The following NELL1 variants were observed in gnomAD, a reference collection of about 807,000 sequenced individuals.
NELL1 encodes neural EGFL like 1.
In NELL1, 76 loss-of-function variants were observed where a neutral mutation model predicts 107.4. The ratio of observed to expected loss-of-function variants is 0.71; its 90% CI spans 0.59 to 0.86. NELL1 has a LOEUF of 0.86. Among genes scored for constraint, NELL1 ranks in the 40% least tolerant of loss-of-function variants. The pLI is 0.00. For synonymous variants in NELL1, 353 were observed against 341.2 expected, an observed-to-expected ratio of 1.03 and a Z score of -0.38; for missense variants, 1,024 against 1,005.5, an observed-to-expected ratio of 1.02 and a Z score of -0.25.
At chr11:21,384,934 A>G (rs1186782583) in intron 15 of NELL1, among the ~76,000 whole-genome samples, 1 of 151,908 alleles carries the variant, frequency 6.6e-6, no homozygotes, top group Non-Finnish European at 1.5e-5. Flanking sequence ...AAATTATTTT[A>G]TTACAATTTT....
intron 5 of NELL1, among the ~76,000 whole-genome samples, chr11:20,895,259 G>A (rs369525037): frequency 1.8e-4 from 12 of 68,036 alleles, no homozygotes; most frequent in South Asian, 1.2e-3. Context: ...GCGACAGAGC[G>A]AGACTCCGTC....
intron 12 of NELL1, among the ~76,000 whole-genome samples, chr11:21,090,960 A>G (rs1170067017): frequency 1.3e-5 from 2 of 152,258 alleles, no homozygotes; most frequent in Non-Finnish European, 2.9e-5. Context: ...AGCCTAGGAA[A>G]CTTAACTTTT....
At position 21,279,138 on chromosome 11, in the gene NELL1, A is replaced by G. The variant is rs1848936287; in HGVS notation, c.1549+49684A>G. On this transcript the variant is annotated intron_variant, in intron 14 of 19. Coordinates refer to ENST00000357134, the MANE Select transcript of NELL1 (RefSeq NM_006157.5). ...CTCTAGTAAAAATAAATCAAAATGG[A>G]TCATAAATGGTAATGAAAATGAAAA... is the stretch of plus-strand genomic sequence containing the variant. Among the ~76,000 whole-genome samples, 7 of 152,308 alleles carry G rather than the reference A, an allele frequency of 4.6e-5. No individual in the cohort carries two copies. In the South Asian group the frequency reaches 1.4e-3, roughly 32 times the overall value.
intron 2 of NELL1, among the ~76,000 whole-genome samples, chr11:20,712,721 C>G (rs1855143948): frequency 6.6e-6 from 1 of 152,168 alleles, no homozygotes; most frequent in Admixed American, 6.5e-5. Context: ...TTACTGAGAG[C>G]TAGACTACAG....
At chr11:21,242,102 G>A (rs1000858897) in intron 14 of NELL1, among the ~76,000 whole-genome samples, 6 of 151,014 alleles carry the variant, frequency 4.0e-5, no homozygotes, top group Non-Finnish European at 3.0e-5. Context: ...AAATGTTTAC[G>A]GTAAAATGAT....
In NELL1 at chr11:20,845,783, CT is replaced by C. The variant is rs556500974; in HGVS notation, c.336-1793del. Among the ~76,000 whole-genome samples the C allele has an allele frequency of 5.5e-4, 84 of 152,110 alleles. 1 individual carries two copies. The highest frequency in any genetic ancestry group is 1.9e-3 in the South Asian group (9 of 4,810). On this transcript the variant is annotated intron_variant, in intron 3 of 19. Coordinates refer to ENST00000357134, the MANE Select transcript of NELL1 (RefSeq NM_006157.5). ...TGTTCCTTTTAGGCCATTTTTCACC[CT>C]TTTTTTGGGGGGGCCGTGGGGAGGG...
intron 12 of NELL1, among the ~76,000 whole-genome samples, chr11:20,975,944 C>T (rs1247062840): frequency 7.8e-6 from 1 of 128,974 alleles, no homozygotes; most frequent in Non-Finnish European, 1.5e-5. Context: ...TATATGTGTA[C>T]ATATATGTAC....
chr11:20,670,485 A>AG (rs10708463), intron 1 of NELL1: 3 of 152,210 alleles, frequency 2.0e-5, no homozygotes, highest in Non-Finnish European at 4.4e-5. Context: ...CCGTGTGGGG[A>AG]GGGGGGAGCA....
chr11:21,482,547 A>G (rs1013371721), intron 15 of NELL1, among the ~76,000 whole-genome samples: 1 of 152,206 alleles, frequency 6.6e-6, no homozygotes, highest in Non-Finnish European at 1.5e-5. Flanking sequence ...GACGTACATG[A>G]CATGTACTAA....
chr11:21,307,946 G>A (rs1430572949), intron 14 of NELL1, among the ~76,000 whole-genome samples: 1 of 151,920 alleles, frequency 6.6e-6, no homozygotes, highest in East Asian at 1.9e-4. Context: ...GAAAGATTTA[G>A]GGCCATTTGT....
At chr11:21,101,249 A>T (rs1854802613) in intron 12 of NELL1, among the ~76,000 whole-genome samples, 2 of 152,286 alleles carry the variant, frequency 1.3e-5, no homozygotes, top group South Asian at 2.1e-4. Flanking sequence ...TGTTGGACAT[A>T]AGGGTTGGTT....
intron 13 of NELL1, among the ~76,000 whole-genome samples, chr11:21,212,034 C>T (rs1857508824): frequency 6.6e-6 from 1 of 152,032 alleles, no homozygotes; most frequent in Admixed American, 6.6e-5. Context: ...CCATGTTGGC[C>T]AGGCTGGTCT....
At chr11:20,786,872 G>A (rs1856973677) in intron 3 of NELL1, among the ~76,000 whole-genome samples, 1 of 151,800 alleles carries the variant, frequency 6.6e-6, no homozygotes, top group Non-Finnish European at 1.5e-5. Flanking sequence ...GCCGGGCATG[G>A]TGGCGGGCGC....
intron 3 of NELL1, 22 bp from the exon 4 acceptor site, chr11:20,847,561 A>G (rs775715027): frequency 6.2e-7 from 1 of 1,604,312 alleles, no homozygotes; most frequent in East Asian, 2.2e-5. Context: ...AATAAAACAA[A>G]TGTTTGTTCC....
intron 15 of NELL1, among the ~76,000 whole-genome samples, chr11:21,468,697 C>T (rs1184081460): frequency 1.3e-5 from 2 of 152,020 alleles, no homozygotes; most frequent in Non-Finnish European, 2.9e-5. Flanking sequence ...TTCGAAAGCC[C>T]TCTTTAGCTC....
At chr11:21,100,175 C>G (rs1269532638) in intron 12 of NELL1, among the ~76,000 whole-genome samples, 1 of 151,966 alleles carries the variant, frequency 6.6e-6, no homozygotes, top group Non-Finnish European at 1.5e-5. Flanking sequence ...CAGCACCACG[C>G]CTGGATAATT....
chr11:21,478,588 T>C (rs1011500914), intron 15 of NELL1, among the ~76,000 whole-genome samples: 2 of 151,862 alleles, frequency 1.3e-5, no homozygotes, highest in East Asian at 1.9e-4. Flanking sequence ...AAAGAAAACA[T>C]TGGGGAAGCT....
chr11:20,842,560 C>T (rs1257902843), intron 3 of NELL1, among the ~76,000 whole-genome samples: 1 of 152,158 alleles, frequency 6.6e-6, no homozygotes, highest in Non-Finnish European at 1.5e-5. Flanking sequence ...GTTTTGTCCT[C>T]TGACTCTGAT....
rs545565420 is a variant in NELL1 at position 21,106,540 on chromosome 11, A to T, written c.1301-7049A>T. Among the ~76,000 whole-genome samples, 8 of 152,144 alleles carry T rather than the reference A, an allele frequency of 5.3e-5. No homozygotes were observed. In the East Asian group the frequency reaches 1.5e-3, roughly 29 times the overall value. Reference sequence around the variant, plus strand: ...GGGTTAAGTGTCACTTTTTATTACCATTGGCCTTGCATCGTGTTTTTTCTC... The same window carrying T: ...GGGTTAAGTGTCACTTTTTATTACCTTTGGCCTTGCATCGTGTTTTTTCTC... On this transcript the variant is annotated intron_variant, in intron 12 of 19. Coordinates refer to ENST00000357134, the MANE Select transcript of NELL1 (RefSeq NM_006157.5).
Sources: allele counts gnomAD v4.1 joint callset (sites outside exome capture counted in the v4.1 genomes callset), GRCh38; gene constraint gnomAD v4.1.1; transcripts MANE v1.5; gene names NCBI Gene and HGNC (gene_info 2026-07-23, HGNC 2026-07-21).